MGMT: variants seen among roughly 807,000 people sequenced by gnomAD.
MGMT encodes the protein O-6-methylguanine-DNA methyltransferase.
A neutral mutation model predicts 15.9 loss-of-function variants in MGMT; 14 were observed. That is an observed-to-expected ratio of 0.88 (90% CI 0.58 to 1.37). The LOEUF is 1.37. Ranked by LOEUF, MGMT falls within the 40% of genes most tolerant of loss-of-function variation. MGMT has a pLI of 0.00. For synonymous variants in MGMT, 130 were observed against 118.2 expected, an observed-to-expected ratio of 1.10 and a Z score of -0.65; for missense variants, 282 against 268.1, an observed-to-expected ratio of 1.05 and a Z score of -0.36.
At chr10:129,691,996 T>C (rs1045932442) in intron 2 of MGMT, among the ~76,000 whole-genome samples, 2 of 152,180 alleles carry the variant, frequency 1.3e-5, no homozygotes, top group African/African-American at 4.8e-5. Flanking sequence ...GATACTCACC[T>C]CCTACCTTGT....
intron 2 of MGMT, among the ~76,000 whole-genome samples, chr10:129,580,458 G>A (rs975930790): frequency 1.1e-4 from 17 of 152,326 alleles, no homozygotes; most frequent in South Asian, 8.3e-4. Flanking sequence ...ACTTAAACAC[G>A]AGGAGGCTGG....
intron 2 of MGMT, among the ~76,000 whole-genome samples, chr10:129,572,125 GA>G (rs1031855114): frequency 1.1e-4 from 16 of 152,000 alleles, no homozygotes; most frequent in African/African-American, 3.9e-4. Flanking sequence ...TTGCTTTAAA[GA>G]AAAAAATGGT....
chr10:129,646,719 A>AATATATACATATATAT (rs1847393057), intron 2 of MGMT, among the ~76,000 whole-genome samples: 1 of 81,718 alleles, frequency 1.2e-5, no homozygotes, highest in African/African-American at 4.7e-5. Flanking sequence ...GCCCATCAGA[A>AATATATACATATATAT]ATATATATAT....
intron 3 of MGMT, among the ~76,000 whole-genome samples, chr10:129,749,646 C>T (rs1489807369): frequency 6.6e-6 from 1 of 152,112 alleles, no homozygotes; most frequent in East Asian, 1.9e-4. Flanking sequence ...CCTAGGTGTG[C>T]AATTGCCAGA....
chr10:129,744,454 C>T (rs1848670852), intron 3 of MGMT, among the ~76,000 whole-genome samples: 1 of 152,236 alleles, frequency 6.6e-6, no homozygotes, highest in Non-Finnish European at 1.5e-5. Context: ...GGGGCTGTTC[C>T]TTCTGCAGGT....
intron 2 of MGMT, among the ~76,000 whole-genome samples, chr10:129,594,261 A>G (rs1219121905): frequency 1.3e-5 from 2 of 152,192 alleles, no homozygotes; most frequent in African/African-American, 4.8e-5. Flanking sequence ...AGGGGTCCTC[A>G]GATGTTTTAT....
intron 1 of MGMT, among the ~76,000 whole-genome samples, chr10:129,490,671 A>G (rs777462740): frequency 5.9e-5 from 9 of 152,076 alleles, no homozygotes; most frequent in Non-Finnish European, 1.2e-4. Flanking sequence ...TTTATTTTTT[A>G]ATTATTTAGT....
chr10:129,619,683 TC>T (rs1232583863), intron 2 of MGMT, among the ~76,000 whole-genome samples: 8 of 152,218 alleles, frequency 5.3e-5, no homozygotes, highest in African/African-American at 1.9e-4. Context: ...TCTTCATGAC[TC>T]AGTTTTGGTT....
chr10:129,697,386 C>T lies in MGMT; in HGVS notation c.126-10509C>T, dbSNP rs189115199. On this transcript the variant is annotated intron_variant, in intron 2 of 4. Coordinates refer to ENST00000651593, the MANE Select transcript of MGMT (RefSeq NM_002412.5). ...GGAGAGCTGGAGTGCTTCTATTCCA[C>T]GGAGATGCCCCAGACTAAGGTCTTT... 3.0e-4 allele frequency among the ~76,000 whole-genome samples: 45 copies of T among 152,298 alleles called. 1 individual carries two copies. In the East Asian group the frequency reaches 6.4e-3, roughly 22 times the overall value.
At chr10:129,647,817 T>TA (rs1398624227) in intron 2 of MGMT, among the ~76,000 whole-genome samples, 1 of 152,240 alleles carries the variant, frequency 6.6e-6, no homozygotes, top group Non-Finnish European at 1.5e-5. Flanking sequence ...ATCAGCTTTC[T>TA]AGCAGCCCAT....
chr10:129,520,110 G>A (rs753794679), intron 1 of MGMT, among the ~76,000 whole-genome samples: 4 of 152,196 alleles, frequency 2.6e-5, no homozygotes, highest in African/African-American at 4.8e-5. Context: ...GTTTATCTGC[G>A]TGAGCTCATG....
chr10:129,543,716 A>G (rs1395687225), intron 2 of MGMT, among the ~76,000 whole-genome samples: 5 of 152,088 alleles, frequency 3.3e-5, no homozygotes, highest in Non-Finnish European at 5.9e-5. Context: ...CAAAAGTTTT[A>G]TTTCTGTCAA....
intron 2 of MGMT, among the ~76,000 whole-genome samples, chr10:129,690,193 G>T (rs185673975): frequency 6.6e-6 from 1 of 152,232 alleles, no homozygotes; most frequent in South Asian, 2.1e-4. Flanking sequence ...TTACTTCCAT[G>T]TGTCTTAAGT....
chr10:129,689,208 T>G (rs1380472210), intron 2 of MGMT, among the ~76,000 whole-genome samples: 1 of 152,224 alleles, frequency 6.6e-6, no homozygotes, highest in Non-Finnish European at 1.5e-5. Context: ...GGATTACAGG[T>G]GTGTGCCACT....
intron 2 of MGMT, among the ~76,000 whole-genome samples, chr10:129,559,916 G>T (rs542958319): frequency 2.6e-5 from 4 of 152,284 alleles, no homozygotes; most frequent in African/African-American, 9.6e-5. Flanking sequence ...ACAAATGCAG[G>T]TGCTGTTCCT....
At chr10:129,638,280 A>AG (rs1388685637) in intron 2 of MGMT, among the ~76,000 whole-genome samples, 1 of 152,096 alleles carries the variant, frequency 6.6e-6, no homozygotes, top group Admixed American at 6.5e-5. Flanking sequence ...TGAGAACTAA[A>AG]GAACAATGGT....
rs2308321 is a variant in MGMT at position 129,766,800 on chromosome 10, A to G, written c.427A>G (p.Ile143Val). The change falls in exon 5 of 5, where the codon ATC (isoleucine) becomes GTC (valine). Residue 143 changes from isoleucine to valine, a missense_variant. By Grantham distance (29) the Ile-to-Val change is conservative (BLOSUM62 3). Transcript: ENST00000651593. ...AMRGNPVPIL[I>V]PCHRVVCSSG... ...CCCTGTCTTCCAGGTCCCCATCCTC[A>G]TCCCGTGCCACAGAGTGGTCTGCAG... is the stretch of plus-strand genomic sequence containing the variant. 0.12 allele frequency: 187,945 copies of G among 1,612,120 alleles called. 12,315 individuals are homozygous for G. The highest frequency in any genetic ancestry group is 0.13 in the Non-Finnish European group (157,780 of 1,179,274).
intron 3 of MGMT, among the ~76,000 whole-genome samples, chr10:129,750,778 G>A (rs1037571206): frequency 6.6e-6 from 1 of 152,090 alleles, no homozygotes; most frequent in Non-Finnish European, 1.5e-5. Context: ...CTGTATATCT[G>A]TGTGTGCCTG....
At chr10:129,712,056 A>G (rs570283672) in intron 3 of MGMT, among the ~76,000 whole-genome samples, 6 of 152,314 alleles carry the variant, frequency 3.9e-5, no homozygotes, top group African/African-American at 1.4e-4. Flanking sequence ...GCTTTTTACA[A>G]TGAGTTCAAG....
Sources: allele counts gnomAD v4.1 joint callset (sites outside exome capture counted in the v4.1 genomes callset), GRCh38; gene constraint gnomAD v4.1.1; transcripts MANE v1.5; gene names NCBI Gene and HGNC (gene_info 2026-07-23, HGNC 2026-07-21).